The following TCF3 variants were observed in gnomAD, a reference collection of about 807,000 sequenced individuals.
TCF3 encodes transcription factor 3, also known as transcription factor E2-alpha.
TCF3 carries 54 observed loss-of-function variants against 72.3 expected under a neutral mutation model. The ratio of observed to expected loss-of-function variants is 0.75; its 90% CI spans 0.60 to 0.94. The LOEUF is 0.94. TCF3 is among the 40% of genes least tolerant of loss of function. The pLI is 0.00. For synonymous variants in TCF3, 525 were observed against 412.6 expected, an observed-to-expected ratio of 1.27 and a Z score of -3.30; for missense variants, 1,078 against 934.4, an observed-to-expected ratio of 1.15 and a Z score of -2.00.
At chr19:1,647,322 C>T (rs181758099) in intron 2 of TCF3, among the ~76,000 whole-genome samples, 1 of 152,242 alleles carries the variant, frequency 6.6e-6, no homozygotes, top group African/African-American at 2.4e-5. Flanking sequence ...AGGCTCCCAT[C>T]GGGGCTTAAG....
intron 8 of TCF3, among the ~76,000 whole-genome samples, chr19:1,623,423 G>C (rs1484166119): frequency 7.3e-6 from 1 of 137,480 alleles, no homozygotes; most frequent in Non-Finnish European, 1.5e-5. Flanking sequence ...TCACTCTGTT[G>C]CTCAGGCTGG....
chr19:1,643,972 C>T (rs894190020), intron 3 of TCF3, among the ~76,000 whole-genome samples: 4 of 152,194 alleles, frequency 2.6e-5, no homozygotes, highest in South Asian at 2.1e-4. Context: ...GTGGCGTCCC[C>T]GAAGCCAACT....
rs747159012 is a variant in TCF3, at chr19:1,625,622, G to A, written c.453C>T (p.Pro151=). The A allele has an allele frequency of 1.3e-6, 2 of 1,578,932 alleles. No homozygotes were observed. The highest frequency in any genetic ancestry group is 1.8e-5 in the Admixed American group (1 of 55,728). Residue 151 remains proline (P), a synonymous_variant, in exon 7 of 19, where the codon CCC becomes CCT. Coordinates refer to ENST00000262965, the MANE Select transcript of TCF3 (RefSeq NM_003200.5). ...SGMKGTSQYY[P]SYSGSSRRRA... ...TCCGCCGGGAGCTGCCGGAGTAGGA[G>A]GGGTAGTACTGGGAGGTCCCCTTCA...
intron 1 of TCF3, chr19:1,651,311 G>C (rs555700512): frequency 4.4e-6 from 1 of 228,752 alleles, no homozygotes; most frequent in Non-Finnish European, 8.7e-6. Flanking sequence ...GAGCCTCCGA[G>C]GTCGAGGGAG....
In TCF3 at chr19:1,651,966, G is replaced by C. The variant is rs1222301583; in HGVS notation, c.-40+334C>G. On this transcript the variant is annotated intron_variant, in intron 1 of 18. Transcript: ENST00000262965. ...GGCGCCCCGGGGTCCCCGTGCGCCC[G>C]GGCTGGGGGGGACGGTCCTCGCGCC... Among the ~76,000 whole-genome samples the C allele has an allele frequency of 5.3e-5, 8 of 150,862 alleles. No homozygotes were observed. In the South Asian group the frequency reaches 1.5e-3, roughly 28 times the overall value.
At chr19:1,624,796 G>A (rs1461597238) in intron 7 of TCF3, among the ~76,000 whole-genome samples, 2 of 152,194 alleles carry the variant, frequency 1.3e-5, no homozygotes, top group Admixed American at 1.3e-4. Flanking sequence ...TCCTGTCCTT[G>A]GTCTATTCAG....
chr19:1,648,955 A>C (rs532411560), intron 2 of TCF3, among the ~76,000 whole-genome samples: 1 of 152,062 alleles, frequency 6.6e-6, no homozygotes, highest in Admixed American at 6.6e-5. Flanking sequence ...CCGGGCCTTT[A>C]CAGCACCCGT....
At position 1,615,388 on chromosome 19, in the gene TCF3, C is replaced by A. The variant is rs746687177; in HGVS notation, c.1719G>T (p.Gly573=). The stretch of plus-strand genomic sequence containing the variant: ...TGTTGAGGTGCAGTTGGCACATGCG[C>A]CCCAGCTCCTTAAAGGCCTCGTTGA... The part of the protein sequence containing the change: ...RDINEAFKEL[G]RMCQLHLNSE... Residue 573 remains glycine (G), a synonymous_variant, in exon 18 of 19, where the codon GGG becomes GGT. Coordinates refer to ENST00000262965, the MANE Select transcript of TCF3 (RefSeq NM_003200.5). This position sits in a 1 kb window ranked among gnomAD's most constrained non-coding sequence, Gnocchi z 7.3. 1 of 1,614,082 alleles carries A rather than the reference C, an allele frequency of 6.2e-7. No individual in the cohort carries two copies. The highest frequency in any genetic ancestry group is 8.5e-7 in the Non-Finnish European group (1 of 1,179,990).
Position 1,650,188 on chromosome 19 carries a change from C to G in TCF3, c.61G>C (p.Asp21His), listed in dbSNP as rs887570324. The G allele has an allele frequency of 6.4e-7, 1 of 1,570,990 alleles. No individual in the cohort carries two copies. The highest frequency in any genetic ancestry group is 1.3e-5 in the African/African-American group (1 of 74,542). Reference protein sequence around the residue: ...GTDKELSDLLDFSMMFPLPVT... With the variant: ...GTDKELSDLLHFSMMFPLPVT... ...GGGTCCTGGCTCACCATGCTGAAGT[C>G]CAGGAGGTCACTGAGCTCCTTGTCT... is the stretch of plus-strand genomic sequence containing the variant. The change falls in exon 2 of 19, where the codon GAC becomes CAC. Residue 21 changes from aspartate to histidine, a missense_variant. Asp to His is a moderately conservative substitution (Grantham distance 81). Transcript: ENST00000262965.
Position 1,632,376 on chromosome 19 carries a change from A to G in TCF3, c.175T>C (p.Trp59Arg), listed in dbSNP as rs1394750637. The G allele has an allele frequency of 2.8e-5, 44 of 1,597,074 alleles. No individual in the cohort carries two copies. Among genetic ancestry groups the G allele is most frequent in the Non-Finnish European group, 3.7e-5 (43 of 1,172,502 alleles). ...GAGCTGCTCTGGTCGCCGCTGCCCC[A>G]GGAGCCTGAGCTGGGCCGGTCCTCA... ...GLEDRPSSGSWGSGDQSSSSF... is the reference protein window; with the variant it reads ...GLEDRPSSGSRGSGDQSSSSF... The change falls in exon 4 of 19, where the codon TGG (tryptophan) becomes CGG (arginine). Residue 59 changes from tryptophan (W) to arginine (R), a missense_variant. By Grantham distance (101) the Trp-to-Arg change is moderately radical. Coordinates refer to ENST00000262965, the MANE Select transcript of TCF3 (RefSeq NM_003200.5).
intron 16 of TCF3, 23 bp downstream of exon 16, chr19:1,619,088 C>A: frequency 6.3e-7 from 1 of 1,598,966 alleles, no homozygotes; most frequent in South Asian, 1.1e-5. Flanking sequence ...AGGAGTCGGA[C>A]AGTCCCAAGC....
intron 7 of TCF3, among the ~76,000 whole-genome samples, chr19:1,624,984 C>A (rs921248710): frequency 2.0e-5 from 3 of 152,152 alleles, no homozygotes; most frequent in Admixed American, 6.5e-5. Context: ...TAGCTGGGAC[C>A]ACAGGTGTGT....
intron 3 of TCF3, among the ~76,000 whole-genome samples, chr19:1,636,317 G>A (rs550791554): frequency 6.4e-4 from 98 of 152,144 alleles, no homozygotes; most frequent in African/African-American, 2.0e-3. Context: ...CTGCCACCAC[G>A]CACAGCTAAT....
chr19:1,622,266 C>G, intron 9 of TCF3, 43 bp from the exon 10 acceptor site: 2 of 1,507,340 alleles, frequency 1.3e-6, no homozygotes, highest in Non-Finnish European at 1.8e-6. Context: ...GTGGGGAACC[C>G]CAGCCCTGCC....
At chr19:1,644,786 C>T (rs1163340076) in intron 3 of TCF3, among the ~76,000 whole-genome samples, 4 of 152,018 alleles carry the variant, frequency 2.6e-5, no homozygotes, top group African/African-American at 4.8e-5. Flanking sequence ...CGACAGGGGA[C>T]GAGGGAAGAC....
chr19:1,625,427 T>TCC (rs1315577771), intron 7 of TCF3, 149 bp downstream of exon 7: 1 of 1,089,146 alleles, frequency 9.2e-7, no homozygotes, highest in African/African-American at 1.7e-5. Flanking sequence ...CGTCCATCCC[T>TCC]CCCACGGCCC....
chr19:1,619,978 T>G, intron 13 of TCF3, 125 bp from the exon 14 acceptor site: 109 of 781,548 alleles, frequency 1.4e-4, no homozygotes, highest in Middle Eastern at 3.8e-4. Context: ...AAGATGGCCA[T>G]TCCGGGGCAC....
chr19:1,615,430 C>T lies in TCF3; in HGVS notation c.1677G>A (p.Arg559=), dbSNP rs774460491. ...ERRVANNARE[R]LRVRDINEAF... is the part of the protein sequence containing the mutation. The stretch of plus-strand genomic sequence containing the variant: ...CCTCGTTGATGTCACGGACCCGCAG[C>T]CGCTCCCGGGCGTTATTGGCCACCC... Residue 559 remains arginine (R), a synonymous_variant, in exon 18 of 19, where the codon CGG becomes CGA. Transcript: ENST00000262965. The surrounding 1 kb of genome is among the most constrained non-coding windows in gnomAD (Gnocchi z 7.3). 1.7e-5 allele frequency: 27 copies of T among 1,613,760 alleles called. No homozygotes were observed. The South Asian group carries it at 2.7e-4, about 16-fold the overall frequency.
intron 6 of TCF3, among the ~76,000 whole-genome samples, chr19:1,626,617 C>T (rs1386736984): frequency 4.6e-5 from 7 of 152,248 alleles, no homozygotes; most frequent in South Asian, 2.1e-4. Context: ...GAGCAGGGCC[C>T]GAGCCCTAGT....
Sources: allele counts gnomAD v4.1 joint callset (sites outside exome capture counted in the v4.1 genomes callset), GRCh38; gene constraint gnomAD v4.1.1; non-coding constraint Gnocchi (gnomAD v3.1); transcripts MANE v1.5; gene names NCBI Gene and HGNC (gene_info 2026-07-23, HGNC 2026-07-21).